MCTP2: variants seen among roughly 807,000 people sequenced by gnomAD.
The protein encoded by MCTP2 is multiple C2 and transmembrane domain-containing protein 2.
Under a neutral mutation model 111.6 loss-of-function variants are expected in MCTP2, and 132 were observed. The ratio of observed to expected loss-of-function variants is 1.18; its 90% confidence interval spans 1.03 to 1.37. The LOEUF (loss-of-function observed/expected upper bound fraction) is 1.37, where lower values mean the gene tolerates loss of function less well. Ranked by LOEUF, MCTP2 falls within the 40% of genes most tolerant of loss-of-function variation. MCTP2 has a pLI of 0.00. For synonymous variants in MCTP2, 395 were observed against 387.7 expected (o/e 1.02, Z -0.22); for missense variants, 1,183 against 1,067.9 (o/e 1.11, Z -1.50).
intron 1 of MCTP2, among the ~76,000 whole-genome samples, chr15:94,274,615 A>G (rs2074087838): frequency 2.0e-5 from 3 of 152,150 alleles, no homozygotes; most frequent in Admixed American, 2.0e-4. Context: ...TAAATACTTT[A>G]ACATGGACAA....
At chr15:94,443,860 T>C (rs2083932864) in intron 19 of MCTP2, among the ~76,000 whole-genome samples, 2 of 151,750 alleles carry the variant, frequency 1.3e-5, no homozygotes, top group Admixed American at 6.6e-5. Flanking sequence ...AGAAAAGGGT[T>C]CACACAGATG....
rs1015839026 is a variant in MCTP2, at chr15:94,480,792, T to C, written c.*1758T>C. 3.3e-5 allele frequency: 5 copies of C among 152,204 alleles called. No homozygotes were observed. Among genetic ancestry groups the C allele is most frequent in the Admixed American group, 1.3e-4 (2 of 15,278 alleles). The allele number at this position is 152,204 out of a possible 1,614,324, so 9.4% of individuals were successfully genotyped here. ...ATTTATTTAAAAGTGGAACCAATAC[T>C]TTATTGTTGTTCTTTTGCTATAGAA... On this transcript the variant is annotated 3_prime_UTR_variant, in exon 23 of 23. Transcript: ENST00000357742.
intron 1 of MCTP2, 27 bp from the exon 2 acceptor site, chr15:94,298,174 T>C (rs2152334101): frequency 3.1e-6 from 3 of 972,772 alleles, no homozygotes; most frequent in Non-Finnish European, 2.9e-6. Flanking sequence ...GTTTGTTTGT[T>C]TTTTGTTGTT....
At chr15:94,263,775 T>A (rs11857395) in intron 1 of MCTP2, among the ~76,000 whole-genome samples, 87,295 of 152,062 alleles carry the variant, frequency 0.57, 26,599 homozygotes, top group Middle Eastern at 0.68. Flanking sequence ...GCATGTAGAG[T>A]GATTCACATT....
Position 94,402,568 on chromosome 15 carries a change from A to G in MCTP2, c.2085+549A>G, listed in dbSNP as rs1002977694. ...GGCCCATCCTTATGAGCATAATAAA[A>G]TCGCAGAATCAAAGCGCTGCAAGAG... On this transcript the variant is annotated intron_variant, in intron 17 of 22. Coordinates refer to ENST00000357742, the MANE Select transcript of MCTP2 (RefSeq NM_001385001.1). 5 of 1,551,680 alleles carry G rather than the reference A, an allele frequency of 3.2e-6. No homozygotes were observed. In the African/African-American group the frequency reaches 6.8e-5, roughly 21 times the overall value.
intron 8 of MCTP2, among the ~76,000 whole-genome samples, chr15:94,348,490 C>T (rs1472503986): frequency 2.0e-5 from 1 of 50,948 alleles, no homozygotes; most frequent in African/African-American, 7.0e-5. Flanking sequence ...CTCTCTCTGT[C>T]TTCCTCTCTC....
intron 17 of MCTP2, among the ~76,000 whole-genome samples, chr15:94,413,360 T>G (rs1280852466): frequency 6.6e-6 from 1 of 152,204 alleles, no homozygotes; most frequent in African/African-American, 2.4e-5. Flanking sequence ...CATTCTTCCT[T>G]ATGCAGAAGA....
intron 12 of MCTP2, among the ~76,000 whole-genome samples, chr15:94,381,861 C>T (rs148806262): frequency 7.0e-4 from 107 of 152,312 alleles, no homozygotes; most frequent in African/African-American, 2.3e-3. Flanking sequence ...ACATGGCCAG[C>T]GTAAACTGTC....
chr15:94,272,145 A>G (rs762096096), intron 1 of MCTP2, among the ~76,000 whole-genome samples: 1 of 152,268 alleles, frequency 6.6e-6, no homozygotes, highest in Non-Finnish European at 1.5e-5. Context: ...ATCTAGGGCC[A>G]ATAAACTCAA....
intron 4 of MCTP2, among the ~76,000 whole-genome samples, chr15:94,317,534 C>T (rs906464942): frequency 6.6e-6 from 1 of 152,194 alleles, no homozygotes; most frequent in African/African-American, 2.4e-5. Flanking sequence ...CTGGCCCATC[C>T]AGCTCTCTTT....
chr15:94,417,476 G>T (rs2082426261), intron 17 of MCTP2, among the ~76,000 whole-genome samples: 1 of 151,982 alleles, frequency 6.6e-6, no homozygotes, highest in Non-Finnish European at 1.5e-5. Context: ...CTTTTATTTT[G>T]GTGCACAAAA....
chr15:94,447,373 TTGTGTGTG>T (rs148584250), intron 19 of MCTP2, among the ~76,000 whole-genome samples: 83 of 151,322 alleles, frequency 5.5e-4, no homozygotes, highest in African/African-American at 1.9e-3. Flanking sequence ...TATAATTCAT[TTGTGTGTG>T]TGTGTGTGTT....
chr15:94,479,080 T>G lies in MCTP2; in HGVS notation c.*46T>G. The G allele has an allele frequency of 6.4e-7, 1 of 1,572,882 alleles. No individual in the cohort carries two copies. The highest frequency in any genetic ancestry group is 1.1e-5 in the South Asian group (1 of 90,238). On this transcript the variant is annotated 3_prime_UTR_variant, in exon 23 of 23. Coordinates refer to ENST00000357742, the MANE Select transcript of MCTP2 (RefSeq NM_001385001.1). ...AGCAGCACCCAATATTGTGTTTGGT[T>G]GAGTAGACCAATGTTATGGCTGTTT... is the stretch of plus-strand genomic sequence containing the variant.
intron 4 of MCTP2, among the ~76,000 whole-genome samples, chr15:94,323,299 C>A (rs937858680): frequency 6.6e-6 from 1 of 152,088 alleles, no homozygotes; most frequent in South Asian, 2.1e-4. Context: ...TTAGCTGTGG[C>A]CTCTCAGTGT....
chr15:94,424,182 G>A (rs540037657), intron 17 of MCTP2, among the ~76,000 whole-genome samples: 86 of 152,144 alleles, frequency 5.7e-4, no homozygotes, highest in Non-Finnish European at 9.6e-4. Context: ...ACTTAGTATC[G>A]TTTTTGATAT....
chr15:94,264,885 A>C (rs1422942761), intron 1 of MCTP2, among the ~76,000 whole-genome samples: 1 of 152,220 alleles, frequency 6.6e-6, no homozygotes, highest in African/African-American at 2.4e-5. Flanking sequence ...TGGAAGATAT[A>C]AACTCTCAAT....
chr15:94,461,597 G>A (rs1397908358), intron 20 of MCTP2, among the ~76,000 whole-genome samples: 1 of 152,162 alleles, frequency 6.6e-6, no homozygotes, highest in African/African-American at 2.4e-5. Flanking sequence ...TGAGTGGCTA[G>A]GGAAATCTCC....
At chr15:94,333,563 T>C (rs1273364369) in intron 4 of MCTP2, among the ~76,000 whole-genome samples, 1 of 152,182 alleles carries the variant, frequency 6.6e-6, no homozygotes, top group African/African-American at 2.4e-5. Flanking sequence ...CTATTCACCA[T>C]TTGTATTGGT....
At chr15:94,369,453 C>A (rs2152437162) in intron 11 of MCTP2, among the ~76,000 whole-genome samples, 1 of 152,106 alleles carries the variant, frequency 6.6e-6, no homozygotes, top group East Asian at 1.9e-4. Flanking sequence ...TATAAACACC[C>A]AAATATTGCT....
Sources: gnomAD v4.1 joint callset for allele counts (sites outside exome capture counted in the v4.1 genomes callset) on GRCh38, gnomAD v4.1.1 for gene constraint, MANE v1.5 for transcripts, NCBI Gene and HGNC (gene_info 2026-07-23, HGNC 2026-07-21) for gene names.